The following CX3CR1 variants were observed in gnomAD, a reference collection of about 807,000 sequenced individuals.
CX3CR1 encodes C-X3-C motif chemokine receptor 1, also known as CX3C chemokine receptor 1.
For missense variants in CX3CR1, 363 were observed against 432.4 expected (o/e 0.84, Z 1.42); for synonymous variants, 168 against 178.5 (o/e 0.94, Z 0.47).
chr3:39,276,911 A>G (rs1307924112), intron 1 of CX3CR1, among the ~76,000 whole-genome samples: 1 of 152,188 alleles, frequency 6.6e-6, no homozygotes, highest in Non-Finnish European at 1.5e-5. Flanking sequence ...GGAGAGGAAG[A>G]GGCTGTGGTC....
chr3:39,279,613 T>C (rs1263861771), intron 1 of CX3CR1, among the ~76,000 whole-genome samples: 1 of 152,234 alleles, frequency 6.6e-6, no homozygotes, highest in Non-Finnish European at 1.5e-5. Flanking sequence ...AAGACTTTAA[T>C]ACAATTTCTC....
chr3:39,284,072 A>C (rs2040928741), upstream of CX3CR1, among the ~76,000 whole-genome samples: 2 of 151,752 alleles, frequency 1.3e-5, no homozygotes. Flanking sequence ...CATGTAACCT[A>C]CAAACATATA....
Position 39,265,264 on chromosome 3 carries a change from A to T in CX3CR1, c.*178T>A, listed in dbSNP as rs1428978264. The T allele has an allele frequency of 3.3e-6, 2 of 601,926 alleles. No homozygotes were observed. Among genetic ancestry groups the T allele is most frequent in the Non-Finnish European group, 5.7e-6 (2 of 352,772 alleles). The allele number at this position is 601,926 out of a possible 1,614,324, so 37.3% of individuals were successfully genotyped here. ...TACTCTTTGTCATTCAAAGAGTTCA[A>T]TTTGTTCATTCTTCAAATTTTGAGC... On this transcript the variant is annotated 3_prime_UTR_variant, in exon 2 of 2. Transcript: ENST00000399220.
At chr3:39,284,765 C>T (rs138078193), upstream of CX3CR1, among the ~76,000 whole-genome samples, 945 of 152,228 alleles carry the variant, frequency 6.2e-3, 5 homozygotes, top group Middle Eastern at 0.014. Context: ...TCCTAGGCCA[C>T]ACAGCTGAAA....
rs1450774797 is a variant in CX3CR1, at chr3:39,266,276, C to T, written c.234G>A (p.Leu78=). Reference sequence around the variant, plus strand: ...AGAAGGGCAAAGTGGCTACAAACAGCAGATCAGACAAGGCCAGGTTCAGGA... The same window carrying T: ...AGAAGGGCAAAGTGGCTACAAACAGTAGATCAGACAAGGCCAGGTTCAGGA... ...IYLLNLALSD[L]LFVATLPFWT... The change falls in exon 2 of 2, where the codon CTG becomes CTA. Residue 78 remains leucine, a synonymous_variant. Coordinates refer to ENST00000399220, the MANE Select transcript of CX3CR1 (RefSeq NM_001337.4). 6.2e-7 allele frequency: 1 copy of T among 1,614,188 alleles called. No individual in the cohort carries two copies.
At chr3:39,275,063 T>C (rs1313422236) in intron 1 of CX3CR1, among the ~76,000 whole-genome samples, 1 of 152,174 alleles carries the variant, frequency 6.6e-6, no homozygotes, top group African/African-American at 2.4e-5. Flanking sequence ...GGTTTCACCA[T>C]GTTGGCCAGG....
chr3:39,290,007 A>G, the CX3CR1 span, among the ~76,000 whole-genome samples: 2 of 152,220 alleles, frequency 1.3e-5, no homozygotes, highest in African/African-American at 4.8e-5. Context: ...CCCAAAGTTA[A>G]TGTCAATTAA....
At chr3:39,291,775 T>G in the CX3CR1 span, among the ~76,000 whole-genome samples, 1 of 152,198 alleles carries the variant, frequency 6.6e-6, no homozygotes, top group South Asian at 2.1e-4. Flanking sequence ...AGAAGTAACT[T>G]GAAGACACTC....
intron 1 of CX3CR1, among the ~76,000 whole-genome samples, chr3:39,270,996 C>A (rs1017065345): frequency 1.3e-5 from 2 of 152,152 alleles, no homozygotes; most frequent in Non-Finnish European, 2.9e-5. Flanking sequence ...CGAGGTGATG[C>A]AGTGTGTGTG....
In CX3CR1 at chr3:39,264,775, G is replaced by C. The variant is rs1300892954; in HGVS notation, c.*667C>G. On this transcript the variant is annotated 3_prime_UTR_variant, in exon 2 of 2. Transcript: ENST00000399220. ...GGGTGATGTGTGGCATTTGTTTTGT[G>C]TAATCAGAATAGTACCCACCCATCC... 1 of 152,266 alleles carries C rather than the reference G, an allele frequency of 6.6e-6. No individual in the cohort carries two copies. The highest frequency in any genetic ancestry group is 1.5e-5 in the Non-Finnish European group (1 of 68,078). 9.4% of individuals were successfully genotyped at this position (152,266 alleles called of 1,614,324 possible).
At chr3:39,275,879 T>C (rs919798757) in intron 1 of CX3CR1, among the ~76,000 whole-genome samples, 2 of 150,884 alleles carry the variant, frequency 1.3e-5, no homozygotes, top group Non-Finnish European at 2.9e-5. Context: ...CCTCTATATC[T>C]GTCTCCTTAA....
At position 39,265,288 on chromosome 3, in the gene CX3CR1, G is replaced by T; in HGVS notation, c.*154C>A. The T allele has an allele frequency of 1.5e-6, 1 of 683,928 alleles. No homozygotes were observed. The highest frequency in any genetic ancestry group is 2.4e-6 in the Non-Finnish European group (1 of 418,136). The allele number at this position is 683,928 out of a possible 1,614,324, so 42.4% of individuals were successfully genotyped here. The stretch of plus-strand genomic sequence containing the variant: ...AATTTGTTCATTCTTCAAATTTTGA[G>T]CACAATTCTCAACAACACTCTAGGG... On this transcript the variant is annotated 3_prime_UTR_variant, in exon 2 of 2. Transcript: ENST00000399220.
At chr3:39,288,987 C>T in the CX3CR1 span, among the ~76,000 whole-genome samples, 1 of 152,118 alleles carries the variant, frequency 6.6e-6, no homozygotes, top group Non-Finnish European at 1.5e-5. Context: ...CAACACATCT[C>T]TACTAAAAGT....
chr3:39,267,944 C>T (rs558041553), intron 1 of CX3CR1, among the ~76,000 whole-genome samples: 2 of 152,348 alleles, frequency 1.3e-5, no homozygotes, highest in South Asian at 2.1e-4. Context: ...GGCGTCTCCT[C>T]GTGATACCAC....
At chr3:39,283,795 TTATATATA>T (rs59133796), upstream of CX3CR1, among the ~76,000 whole-genome samples, 388 of 65,220 alleles carry the variant, frequency 5.9e-3, 2 homozygotes, top group Middle Eastern at 0.017. Context: ...AAAAAAAAAA[TTATATATA>T]TATATATATA....
In CX3CR1 at chr3:39,263,864, T is replaced by A. The variant is rs2040655061; in HGVS notation, c.*1578A>T. The A allele has an allele frequency of 6.6e-6, 1 of 152,166 alleles. No individual in the cohort carries two copies. The highest frequency in any genetic ancestry group is 2.4e-5 in the African/African-American group (1 of 41,456). 9.4% of individuals were successfully genotyped at this position (152,166 alleles called of 1,614,324 possible). ...TGTGAACAAGGTCTGGACGGGTGAA[T>A]ACAGGAATGACAATATTGATGTGGT... On this transcript the variant is annotated 3_prime_UTR_variant, in exon 2 of 2. Coordinates refer to ENST00000399220, the MANE Select transcript of CX3CR1 (RefSeq NM_001337.4).
At position 39,279,449 on chromosome 3, in the gene CX3CR1, C is replaced by G. The variant is rs984640608; in HGVS notation, c.-10+505G>C. Among the ~76,000 whole-genome samples, 10 of 152,180 alleles carry G rather than the reference C, an allele frequency of 6.6e-5. No individual in the cohort carries two copies. In the East Asian group the frequency reaches 1.9e-3, roughly 29 times the overall value. On this transcript the variant is annotated intron_variant, in intron 1 of 1. Transcript: ENST00000399220. Reference sequence around the variant, plus strand: ...AAAGCAACTTTTCAAATAAAAGCAGCGAGAACCTCCTTATACCCAACACCT... The same window carrying G: ...AAAGCAACTTTTCAAATAAAAGCAGGGAGAACCTCCTTATACCCAACACCT...
At position 39,264,965 on chromosome 3, in the gene CX3CR1, G is replaced by A. The variant is rs546600393; in HGVS notation, c.*477C>T. 1 of 153,342 alleles carries A rather than the reference G, an allele frequency of 6.5e-6. No homozygotes were observed. Among genetic ancestry groups the A allele is most frequent in the South Asian group, 2.1e-4 (1 of 4,866 alleles). 9.5% of individuals were successfully genotyped at this position (153,342 alleles called of 1,614,324 possible). A position where few individuals can be genotyped will look rare whatever the true frequency, so the allele number is the denominator to read the frequency against. ...TGGGAATTTTGCCCTTGGGGCCAGAGAAACATGGGTGTCAGTCCCTCTCTG... is the reference window on the plus strand; with the variant it reads ...TGGGAATTTTGCCCTTGGGGCCAGAAAAACATGGGTGTCAGTCCCTCTCTG... On this transcript the variant is annotated 3_prime_UTR_variant, in exon 2 of 2. Transcript: ENST00000399220.
intron 1 of CX3CR1, among the ~76,000 whole-genome samples, chr3:39,275,309 G>A (rs1172097888): frequency 6.6e-6 from 1 of 152,222 alleles, no homozygotes; most frequent in African/African-American, 2.4e-5. Flanking sequence ...ACCTAAGGGA[G>A]ATAGTGCTTC....
Sources: allele counts gnomAD v4.1 joint callset (sites outside exome capture counted in the v4.1 genomes callset), GRCh38; gene constraint gnomAD v4.1.1; transcripts MANE v1.5; gene names NCBI Gene and HGNC (gene_info 2026-07-23, HGNC 2026-07-21).